Variants in CDH20 observed in about 807,000 individuals in gnomAD.
CDH20 encodes the protein cadherin 20.
In CDH20, 29 loss-of-function variants were observed where a neutral mutation model predicts 74.2. The ratio of observed to expected loss-of-function variants is 0.39; its 90% CI spans 0.29 to 0.53. CDH20 has a LOEUF of 0.53. Among genes scored for constraint, CDH20 ranks in the 20% least tolerant of loss-of-function variants. The pLI, the probability that CDH20 is intolerant of heterozygous loss-of-function variation, is 0.69. For synonymous variants in CDH20, 469 were observed against 405.4 expected (o/e 1.16, Z -1.88); for missense variants, 988 against 1,048.3 (o/e 0.94, Z 0.79).
At chr18:61,428,862 C>G (rs1913161793) in intron 1 of CDH20, among the ~76,000 whole-genome samples, 1 of 152,252 alleles carries the variant, frequency 6.6e-6, no homozygotes, top group African/African-American at 2.4e-5. Flanking sequence ...CCCACCAGCC[C>G]TCCAGCCATT....
intron 1 of CDH20, among the ~76,000 whole-genome samples, chr18:61,456,659 A>C (rs1345602393): frequency 6.6e-6 from 1 of 152,074 alleles, no homozygotes; most frequent in Non-Finnish European, 1.5e-5. Context: ...TAAAAAAAAA[A>C]CAAAAAACAC....
At chr18:61,442,726 CAAG>C (rs984262981) in intron 1 of CDH20, among the ~76,000 whole-genome samples, 4 of 152,238 alleles carry the variant, frequency 2.6e-5, no homozygotes, top group Admixed American at 6.5e-5. Context: ...ATCTTTGTTA[CAAG>C]AAGATCATTG....
intron 6 of CDH20, among the ~76,000 whole-genome samples, chr18:61,515,836 A>C (rs1259021279): frequency 6.6e-6 from 1 of 150,536 alleles, no homozygotes; most frequent in African/African-American, 2.4e-5. Context: ...CTAGATGATG[A>C]GTTAGTGGGT....
chr18:61,362,297 A>C (rs1200960314), intron 1 of CDH20, among the ~76,000 whole-genome samples: 1 of 152,086 alleles, frequency 6.6e-6, no homozygotes. Flanking sequence ...CCTTTTCTGC[A>C]TTATACATAT....
intron 7 of CDH20, among the ~76,000 whole-genome samples, chr18:61,533,879 C>G (rs948445738): frequency 6.6e-6 from 1 of 152,156 alleles, no homozygotes; most frequent in African/African-American, 2.4e-5. Context: ...GAGAGACTGT[C>G]CTTTCCCCAT....
At chr18:61,453,325 T>C (rs981523733) in intron 1 of CDH20, among the ~76,000 whole-genome samples, 1 of 152,240 alleles carries the variant, frequency 6.6e-6, no homozygotes, top group African/African-American at 2.4e-5. Context: ...TCACCCAGGC[T>C]AGAGTGCAGT....
rs1233298672 is a variant in CDH20, at chr18:61,538,580, T to TTG, written c.1409-443_1409-442insGT. Among the ~76,000 whole-genome samples the TTG allele has an allele frequency of 2.4e-3, 41 of 16,864 alleles. 9 individuals carry two copies. Among genetic ancestry groups the TTG allele is most frequent in the Admixed American group, 7.4e-3 (8 of 1,086 alleles). The allele number at this position is 16,864 out of a possible 152,430, so 11.1% of individuals were successfully genotyped here. A position where few individuals can be genotyped will look rare whatever the true frequency, so the allele number is the denominator to read the frequency against. On this transcript the variant is annotated intron_variant, in intron 8 of 11. Transcript: ENST00000262717. Reference sequence around the variant, plus strand: ...CAGACTCACCAAGTAAATAACTACTTTTTGTTTGTTTGTTTGTTTTTGTTT... The same window carrying TTG: ...CAGACTCACCAAGTAAATAACTACTTTGTTTGTTTGTTTGTTTGTTTTTGTTT...
intron 1 of CDH20, among the ~76,000 whole-genome samples, chr18:61,343,599 A>G (rs1196643256): frequency 2.0e-5 from 3 of 152,142 alleles, no homozygotes; most frequent in Non-Finnish European, 2.9e-5. Flanking sequence ...TGTTCCACTC[A>G]TCACACTGTA....
intron 1 of CDH20, among the ~76,000 whole-genome samples, chr18:61,366,665 T>C (rs1388602358): frequency 6.6e-6 from 1 of 152,142 alleles, no homozygotes; most frequent in Non-Finnish European, 1.5e-5. Flanking sequence ...AAATAATTTG[T>C]TATACAAATT....
At chr18:61,545,606 A>T (rs2144405082) in intron 10 of CDH20, among the ~76,000 whole-genome samples, 2 of 152,274 alleles carry the variant, frequency 1.3e-5, no homozygotes, top group Middle Eastern at 6.8e-3. Context: ...ACAACGGGAA[A>T]AATCTGAGAA....
intron 6 of CDH20, among the ~76,000 whole-genome samples, chr18:61,519,172 A>G (rs1291256775): frequency 6.6e-6 from 1 of 151,388 alleles, no homozygotes; most frequent in Non-Finnish European, 1.5e-5. Context: ...TGACGGGGAG[A>G]ATGGAACCAA....
intron 2 of CDH20, among the ~76,000 whole-genome samples, chr18:61,496,373 GA>G (rs1305460870): frequency 6.7e-6 from 1 of 148,538 alleles, no homozygotes; most frequent in African/African-American, 2.5e-5. Context: ...GAACCTCCTG[GA>G]AAGCTGCTCC....
At chr18:61,377,919 C>T (rs1911296818) in intron 1 of CDH20, among the ~76,000 whole-genome samples, 1 of 152,032 alleles carries the variant, frequency 6.6e-6, no homozygotes, top group Admixed American at 6.6e-5. Context: ...ATTTACTTCA[C>T]ATTTTTGAAA....
chr18:61,520,257 A>G (rs1252355276), intron 6 of CDH20, among the ~76,000 whole-genome samples: 1 of 143,148 alleles, frequency 7.0e-6, no homozygotes, highest in African/African-American at 2.6e-5. Context: ...CGGAGCTTGC[A>G]GTGAGCCTAG....
chr18:61,488,660 T>C (rs1910851627), intron 1 of CDH20, among the ~76,000 whole-genome samples: 2 of 152,234 alleles, frequency 1.3e-5, no homozygotes, highest in South Asian at 4.1e-4. Flanking sequence ...TCTTACAATA[T>C]ACAGAATATT....
rs1911611822 is a variant in CDH20 at position 61,507,465 on chromosome 18, G to GA, written c.923dup (p.Met309AspfsTer15). 1.2e-6 allele frequency: 2 copies of GA among 1,613,898 alleles called. No homozygotes were observed. The highest frequency in any genetic ancestry group is 1.7e-6 in the Non-Finnish European group (2 of 1,179,924). On this transcript the variant is annotated frameshift_variant, in exon 6 of 12. Transcript: ENST00000262717. LOFTEE classifies it high-confidence loss of function. ...GGACTTGGATGAAGGCATCAATGCAGAGATGAAATATACTATTGTGGATGG... is the reference window on the plus strand; with the variant it reads ...GGACTTGGATGAAGGCATCAATGCAGAAGATGAAATATACTATTGTGGATGG...
intron 1 of CDH20, among the ~76,000 whole-genome samples, chr18:61,363,644 A>G (rs1910768683): frequency 6.6e-6 from 1 of 152,124 alleles, no homozygotes; most frequent in African/African-American, 2.4e-5. Context: ...GTTTAAAGTG[A>G]TGCTTGTGTT....
chr18:61,389,015 T>C (rs1023875003), intron 1 of CDH20, among the ~76,000 whole-genome samples: 1 of 152,188 alleles, frequency 6.6e-6, no homozygotes, highest in African/African-American at 2.4e-5. Flanking sequence ...TTATGAGGTC[T>C]GTAAATTTTG....
At chr18:61,375,399 G>C (rs990703944) in intron 1 of CDH20, among the ~76,000 whole-genome samples, 2 of 152,130 alleles carry the variant, frequency 1.3e-5, no homozygotes, top group African/African-American at 4.8e-5. Flanking sequence ...CCTGGGAGTG[G>C]CTTTTTTCTC....
Sources: allele counts gnomAD v4.1 joint callset (sites outside exome capture counted in the v4.1 genomes callset), GRCh38; gene constraint gnomAD v4.1.1; transcripts MANE v1.5; gene names NCBI Gene and HGNC (gene_info 2026-07-23, HGNC 2026-07-21).